The following GLIS3 variants were observed in gnomAD, a reference collection of about 807,000 sequenced individuals.
GLIS3 encodes the protein zinc finger protein GLIS3.
GLIS3 carries 53 observed loss-of-function variants against 78.6 expected under a neutral mutation model. That is an observed-to-expected ratio of 0.67 (90% confidence interval 0.54 to 0.85). The LOEUF is 0.85. Ranked by LOEUF, GLIS3 falls within the 40% of genes least tolerant of loss-of-function variation. The pLI is 0.00. For synonymous variants in GLIS3, 684 were observed against 509.9 expected (o/e 1.34, Z -4.60); for missense variants, 1,703 against 1,231.1 (o/e 1.38, Z -5.74).
chr9:4,251,956 G>A (rs1010476484), intron 2 of GLIS3, among the ~76,000 whole-genome samples: 1 of 152,164 alleles, frequency 6.6e-6, no homozygotes, highest in African/African-American at 2.4e-5. Context: ...GGCTTGTAGG[G>A]TTTGTGCCGA....
Position 4,286,120 on chromosome 9 carries a change from C to A in GLIS3, c.306G>T (p.Gln102His). Residue 102 changes from glutamine to histidine, a missense_variant, in exon 2 of 11, where the codon CAG becomes CAT. Physicochemically the swap from Gln to His is conservative, Grantham distance 24. Transcript: ENST00000381971. ...TATGTGACCCTGACATGCCTCCAGC[C>A]TGGGTGACCTGGAATCGCGGCTTCC... ...TNGKPRFQVT[Q>H]AGGMSGSHTL... is the part of the protein sequence containing the mutation. The A allele has an allele frequency of 6.2e-7, 1 of 1,613,640 alleles. No homozygotes were observed. The highest frequency in any genetic ancestry group is 8.5e-7 in the Non-Finnish European group (1 of 1,179,526).
At chr9:4,076,281 G>A (rs377086673) in intron 4 of GLIS3, among the ~76,000 whole-genome samples, 4 of 152,140 alleles carry the variant, frequency 2.6e-5, no homozygotes, top group African/African-American at 7.2e-5. Context: ...AATTTACCAC[G>A]GAGTAACATA....
chr9:4,385,344 C>G, the GLIS3 span, among the ~76,000 whole-genome samples: 1 of 152,306 alleles, frequency 6.6e-6, no homozygotes, highest in South Asian at 2.1e-4. Flanking sequence ...CTCCATGAAC[C>G]TCAGACTTAG....
At chr9:4,449,136 G>T in the GLIS3 span, among the ~76,000 whole-genome samples, 1 of 152,168 alleles carries the variant, frequency 6.6e-6, no homozygotes, top group Non-Finnish European at 1.5e-5. Flanking sequence ...CTTTTCCAAC[G>T]GTCTTAGCAA....
At chr9:4,457,360 CAA>C in the GLIS3 span, among the ~76,000 whole-genome samples, 1 of 125,606 alleles carries the variant, frequency 8.0e-6, no homozygotes, top group African/African-American at 3.0e-5. Flanking sequence ...GACCTTGTCT[CAA>C]AAAAAAAAAA....
At chr9:4,469,046 T>C in the GLIS3 span, among the ~76,000 whole-genome samples, 279 of 152,262 alleles carry the variant, frequency 1.8e-3, 3 homozygotes, top group African/African-American at 5.4e-3. Flanking sequence ...AAAAGGCCAT[T>C]ACATAATGGT....
At chr9:4,223,168 T>C (rs2131338313) in intron 2 of GLIS3, among the ~76,000 whole-genome samples, 1 of 152,290 alleles carries the variant, frequency 6.6e-6, no homozygotes, top group East Asian at 1.9e-4. Context: ...AAAAATGAAA[T>C]GACAGCTGGA....
chr9:4,328,306 G>A (rs988626050), intron 2 of GLIS3, among the ~76,000 whole-genome samples: 1 of 152,140 alleles, frequency 6.6e-6, no homozygotes, highest in Non-Finnish European at 1.5e-5. Flanking sequence ...GAAGAGCTTG[G>A]TCACAGCTCC....
At chr9:4,094,068 C>T (rs12684933) in intron 4 of GLIS3, among the ~76,000 whole-genome samples, 3,475 of 152,194 alleles carry the variant, frequency 0.023, 258 homozygotes, top group East Asian at 0.2. Context: ...TCATCTGTTC[C>T]GTGGATGCTT....
At chr9:4,279,318 T>TAA (rs1827322806) in intron 2 of GLIS3, among the ~76,000 whole-genome samples, 2 of 53,598 alleles carry the variant, frequency 3.7e-5, no homozygotes, top group African/African-American at 7.6e-5. Context: ...AAAAAAAATA[T>TAA]ATATATACAC....
chr9:4,146,715 T>C (rs1009502403), intron 2 of GLIS3, among the ~76,000 whole-genome samples: 23 of 152,316 alleles, frequency 1.5e-4, no homozygotes, highest in African/African-American at 5.5e-4. Flanking sequence ...ATAAACTTCA[T>C]CTCAAACGCC....
chr9:3,850,152 T>C (rs1819337311), intron 9 of GLIS3, among the ~76,000 whole-genome samples: 1 of 152,230 alleles, frequency 6.6e-6, no homozygotes, highest in Non-Finnish European at 1.5e-5. Context: ...AGTGTGGCTA[T>C]AGGCTCCTGG....
chr9:4,048,920 G>A (rs997722979), intron 4 of GLIS3, among the ~76,000 whole-genome samples: 4 of 152,192 alleles, frequency 2.6e-5, no homozygotes, highest in Admixed American at 6.5e-5. Flanking sequence ...CCTACTGCAT[G>A]CTTTCACTTT....
chr9:3,997,728 A>G (rs1820848615), intron 4 of GLIS3, among the ~76,000 whole-genome samples: 1 of 152,152 alleles, frequency 6.6e-6, no homozygotes, highest in Admixed American at 6.5e-5. Flanking sequence ...TGTTAAAAAT[A>G]TGTAGCAAAC....
intron 2 of GLIS3, among the ~76,000 whole-genome samples, chr9:4,161,484 G>T (rs1226315673): frequency 6.6e-6 from 1 of 152,002 alleles, no homozygotes; most frequent in African/African-American, 2.4e-5. Context: ...TGGATGCATT[G>T]GACTTTCTTT....
At chr9:4,277,365 T>C (rs186343475) in intron 2 of GLIS3, among the ~76,000 whole-genome samples, 67 of 152,344 alleles carry the variant, frequency 4.4e-4, no homozygotes, top group Middle Eastern at 6.8e-3. Flanking sequence ...TTAAAACCAA[T>C]TGAAATAGCC....
At chr9:4,431,579 T>C in the GLIS3 span, among the ~76,000 whole-genome samples, 2 of 152,160 alleles carry the variant, frequency 1.3e-5, no homozygotes, top group Non-Finnish European at 2.9e-5. Context: ...GCATGGTGCC[T>C]CATGCCTGTA....
intron 4 of GLIS3, among the ~76,000 whole-genome samples, chr9:3,953,793 C>CTATATATATATA (rs1272427441): frequency 2.1e-5 from 1 of 46,944 alleles, no homozygotes; most frequent in Admixed American, 2.5e-4. Flanking sequence ...CTCTCTCTCT[C>CTATATATATATA]TCTATATATA....
chr9:4,080,276 C>T (rs990281730), intron 4 of GLIS3, among the ~76,000 whole-genome samples: 2 of 152,212 alleles, frequency 1.3e-5, no homozygotes, highest in East Asian at 1.9e-4. Context: ...AGGTATTGTG[C>T]TAGGCACTAG....
Sources: gnomAD v4.1 joint callset for allele counts (sites outside exome capture counted in the v4.1 genomes callset) on GRCh38, gnomAD v4.1.1 for gene constraint, MANE v1.5 for transcripts, NCBI Gene and HGNC (gene_info 2026-07-23, HGNC 2026-07-21) for gene names.